SNX7: variants seen among roughly 807,000 people sequenced by gnomAD.
The protein encoded by SNX7 is sorting nexin-7.
Under a neutral mutation model 48.4 loss-of-function variants are expected in SNX7, and 35 were observed. That is an observed-to-expected ratio of 0.72 (90% CI 0.55 to 0.96). The LOEUF is 0.96. Ranked by LOEUF, SNX7 falls within the 40% of genes least tolerant of loss-of-function variation. The pLI, the probability that SNX7 is intolerant of heterozygous loss-of-function variation, is 0.00. For missense variants in SNX7, 553 were observed against 548.9 expected (o/e 1.01, Z -0.07); for synonymous variants, 190 against 190.2 (o/e 1.00, Z 0.01).
At chr1:98,715,122 CAA>C (rs1446567854) in intron 7 of SNX7, among the ~76,000 whole-genome samples, 1 of 152,104 alleles carries the variant, frequency 6.6e-6, no homozygotes, top group East Asian at 1.9e-4. Context: ...CAGACCCATT[CAA>C]GTTTCACCAG....
chr1:98,665,393 C>G (rs2100899513), intron 1 of SNX7, among the ~76,000 whole-genome samples: 1 of 151,692 alleles, frequency 6.6e-6, no homozygotes, highest in Non-Finnish European at 1.5e-5. Context: ...TTTCAATCTC[C>G]AAAAAAGCCA....
At chr1:98,733,477 C>G (rs986137417) in intron 7 of SNX7, among the ~76,000 whole-genome samples, 2 of 152,230 alleles carry the variant, frequency 1.3e-5, no homozygotes, top group Admixed American at 6.5e-5. Context: ...CCCTTTAGGA[C>G]CTGGCATTGC....
At chr1:98,735,809 C>T (rs1217740264) in intron 7 of SNX7, among the ~76,000 whole-genome samples, 1 of 152,094 alleles carries the variant, frequency 6.6e-6, no homozygotes, top group Non-Finnish European at 1.5e-5. Context: ...TAGTCTTACC[C>T]AATGTCACAT....
intron 1 of SNX7, among the ~76,000 whole-genome samples, chr1:98,671,875 G>GTTTTAT (rs1478990981): frequency 6.6e-6 from 1 of 151,968 alleles, no homozygotes; most frequent in Non-Finnish European, 1.5e-5. Flanking sequence ...TTATATCATA[G>GTTTTAT]TTTTATTTTT....
intron 1 of SNX7, among the ~76,000 whole-genome samples, chr1:98,672,100 C>G (rs1339717392): frequency 6.6e-6 from 1 of 152,124 alleles, no homozygotes; most frequent in Non-Finnish European, 1.5e-5. Context: ...ACTGAATACT[C>G]TCTTCATCAG....
chr1:98,747,515 A>G (rs12144195), intron 8 of SNX7, among the ~76,000 whole-genome samples: 33,580 of 152,126 alleles, frequency 0.22, 4,291 homozygotes, highest in Non-Finnish European at 0.29. Flanking sequence ...AGTCATGGCC[A>G]GTAAGACCAT....
chr1:98,760,027 G>A, intron 8 of SNX7, 27 bp from the exon 9 acceptor site: 2 of 1,412,662 alleles, frequency 1.4e-6, no homozygotes, highest in Middle Eastern at 3.5e-4. Context: ...ATTGTTGATT[G>A]CCTCATGGTG....
intron 8 of SNX7, among the ~76,000 whole-genome samples, chr1:98,757,251 C>T (rs575337273): frequency 6.6e-6 from 1 of 152,094 alleles, no homozygotes; most frequent in Admixed American, 6.6e-5. Context: ...AAGAACAGCC[C>T]AATACAGATG....
chr1:98,693,172 A>AGATG (rs10589894), intron 4 of SNX7, among the ~76,000 whole-genome samples: 2,584 of 151,264 alleles, frequency 0.017, 70 homozygotes, highest in African/African-American at 0.059. Flanking sequence ...GGATGAATGG[A>AGATG]GATGGATGGA....
At chr1:98,727,054 C>CA (rs1482884554) in intron 7 of SNX7, among the ~76,000 whole-genome samples, 3 of 152,016 alleles carry the variant, frequency 2.0e-5, no homozygotes, top group Admixed American at 2.0e-4. Flanking sequence ...GCTAAGAATA[C>CA]AAAAAATTAG....
At chr1:98,713,425 T>G (rs546477306) in intron 7 of SNX7, among the ~76,000 whole-genome samples, 1 of 150,860 alleles carries the variant, frequency 6.6e-6, no homozygotes, top group African/African-American at 2.4e-5. Flanking sequence ...CCACTAAAAC[T>G]TTCTCCATAT....
intron 8 of SNX7, among the ~76,000 whole-genome samples, chr1:98,753,511 T>TGA (rs1654688572): frequency 6.6e-6 from 1 of 152,122 alleles, no homozygotes; most frequent in Non-Finnish European, 1.5e-5. Flanking sequence ...GAATCACTTA[T>TGA]TTGACAGGAA....
chr1:98,674,696 C>T (rs1650063460), intron 1 of SNX7, among the ~76,000 whole-genome samples: 1 of 152,156 alleles, frequency 6.6e-6, no homozygotes, highest in South Asian at 2.1e-4. Context: ...AAAACTTACA[C>T]TTAATTTGTG....
At chr1:98,757,236 A>G (rs910211568) in intron 8 of SNX7, among the ~76,000 whole-genome samples, 3 of 152,096 alleles carry the variant, frequency 2.0e-5, no homozygotes, top group African/African-American at 4.8e-5. Flanking sequence ...TCTTTATAGC[A>G]ATGCAAGAAC....
chr1:98,683,029 G>C (rs1344087604), intron 1 of SNX7, among the ~76,000 whole-genome samples: 1 of 151,896 alleles, frequency 6.6e-6, no homozygotes, highest in Non-Finnish European at 1.5e-5. Flanking sequence ...CTCTTTTTTG[G>C]TTGGTGGTGT....
intron 7 of SNX7, among the ~76,000 whole-genome samples, chr1:98,733,730 C>T (rs778375822): frequency 6.6e-5 from 10 of 152,020 alleles, no homozygotes; most frequent in East Asian, 1.9e-4. Flanking sequence ...TCGTTCCTAA[C>T]GCAGACTAGA....
At chr1:98,714,786 G>A (rs1308675666) in intron 7 of SNX7, among the ~76,000 whole-genome samples, 1 of 152,208 alleles carries the variant, frequency 6.6e-6, no homozygotes, top group Non-Finnish European at 1.5e-5. Flanking sequence ...ACTATGGCAT[G>A]AGGACTGAAA....
At chr1:98,711,797 C>T (rs1369107593) in intron 7 of SNX7, among the ~76,000 whole-genome samples, 1 of 152,110 alleles carries the variant, frequency 6.6e-6, no homozygotes, top group African/African-American at 2.4e-5. Flanking sequence ...CAGTGAATTC[C>T]CCGTAGCATG....
chr1:98,707,988 A>G (rs921857055), intron 7 of SNX7, among the ~76,000 whole-genome samples: 1 of 152,200 alleles, frequency 6.6e-6, no homozygotes, highest in African/African-American at 2.4e-5. Context: ...TTCTCTCTCT[A>G]ATTCTAGGAA....
Sources: gnomAD v4.1 joint callset for allele counts (sites outside exome capture counted in the v4.1 genomes callset) on GRCh38, gnomAD v4.1.1 for gene constraint, MANE v1.5 for transcripts, NCBI Gene and HGNC (gene_info 2026-07-23, HGNC 2026-07-21) for gene names.